USH2A: variants seen among roughly 807,000 people sequenced by gnomAD.
USH2A encodes the protein Usher syndrome 2A (autosomal recessive, mild).
In USH2A, 443 loss-of-function variants were observed where a neutral mutation model predicts 538.9. The observed-to-expected ratio is 0.82, with a 90% CI of 0.76 to 0.89. The LOEUF (loss-of-function observed/expected upper bound fraction) is 0.89. Among genes scored for constraint, USH2A ranks in the 40% least tolerant of loss-of-function variants. USH2A has a pLI of 0.00. For synonymous variants in USH2A, 2,413 were observed against 2,273.5 expected (o/e 1.06, Z -1.75); for missense variants, 6,633 against 6,324.8 (o/e 1.05, Z -1.65).
intron 64 of USH2A, among the ~76,000 whole-genome samples, chr1:215,668,552 T>C (rs1031426227): frequency 6.6e-6 from 1 of 152,174 alleles, no homozygotes; most frequent in Non-Finnish European, 1.5e-5. Flanking sequence ...TTGAGTGAGA[T>C]GAGTATGGAG....
At chr1:215,946,769 T>C (rs1460023397) in intron 37 of USH2A, among the ~76,000 whole-genome samples, 2 of 152,204 alleles carry the variant, frequency 1.3e-5, no homozygotes, top group Non-Finnish European at 2.9e-5. Context: ...GAATTTAAAT[T>C]AAAAATTGAT....
Position 216,422,070 on chromosome 1 carries a change from T to C in USH2A, c.267A>G (p.Pro89=). The C allele has an allele frequency of 8.1e-6, 13 of 1,613,820 alleles. No individual in the cohort carries two copies. The highest frequency in any genetic ancestry group is 1.3e-5 in the African/African-American group (1 of 75,044). The part of the protein sequence containing the change: ...CTQRFCIQDC[P]YRSSHPTYTA... Reference sequence around the variant, plus strand: ...TGTAGGTAGGGTGTGAAGATCTGTATGGGCAATCCTGAATACAAAACCGCT... The same window carrying C: ...TGTAGGTAGGGTGTGAAGATCTGTACGGGCAATCCTGAATACAAAACCGCT... The change falls in exon 2 of 72, where the codon CCA becomes CCG. Residue 89 remains proline, a synonymous_variant. Coordinates refer to ENST00000307340, the MANE Select transcript of USH2A (RefSeq NM_206933.4).
intron 37 of USH2A, among the ~76,000 whole-genome samples, chr1:215,960,489 T>C (rs1667172015): frequency 6.6e-6 from 1 of 152,150 alleles, no homozygotes; most frequent in Admixed American, 6.6e-5. Flanking sequence ...GGGAGTTGAC[T>C]ATTCACCTGT....
rs79931510 is a variant in USH2A at position 215,627,054 on chromosome 1, A to C, written c.15520-1184T>G. Among the ~76,000 whole-genome samples, 930 of 152,338 alleles carry C rather than the reference A, an allele frequency of 6.1e-3. 24 individuals carry two copies. In the South Asian group the frequency reaches 0.071, roughly 12 times the overall value. ...AACAGCCTGTGATTTTAAAATGCATATTATATATATGTATATATTATACAA... is the reference window on the plus strand; with the variant it reads ...AACAGCCTGTGATTTTAAAATGCATCTTATATATATGTATATATTATACAA... On this transcript the variant is annotated intron_variant, in intron 71 of 71. Transcript: ENST00000307340.
chr1:215,750,714 T>C (rs1660600351), intron 58 of USH2A, among the ~76,000 whole-genome samples: 2 of 152,090 alleles, frequency 1.3e-5, no homozygotes, highest in Admixed American at 1.3e-4. Context: ...TAGTTTTGAG[T>C]CAGACTTGGA....
intron 61 of USH2A, among the ~76,000 whole-genome samples, chr1:215,684,176 ACT>A (rs1658336248): frequency 6.6e-6 from 1 of 152,022 alleles, no homozygotes; most frequent in Non-Finnish European, 1.5e-5. Flanking sequence ...TAAAGACAAG[ACT>A]CTCTGGAACA....
chr1:216,195,196 C>T (rs143168368), intron 19 of USH2A, among the ~76,000 whole-genome samples: 94 of 152,158 alleles, frequency 6.2e-4, no homozygotes, highest in African/African-American at 2.1e-3. Context: ...AAGGGCCCAA[C>T]AGAAATTCAT....
At chr1:216,338,338 G>A (rs1268431898) in intron 4 of USH2A, among the ~76,000 whole-genome samples, 1 of 151,444 alleles carries the variant, frequency 6.6e-6, no homozygotes. Context: ...AGATACAGTA[G>A]AGGTGGCTTT....
chr1:215,694,202 A>G (rs1304719551), intron 61 of USH2A, among the ~76,000 whole-genome samples: 2 of 152,176 alleles, frequency 1.3e-5, no homozygotes, highest in East Asian at 3.9e-4. Context: ...CCAGAATCGC[A>G]AATGAATTAC....
intron 15 of USH2A, among the ~76,000 whole-genome samples, chr1:216,210,575 TTTTTG>T (rs1455620824): frequency 6.6e-6 from 1 of 152,148 alleles, no homozygotes; most frequent in East Asian, 1.9e-4. Flanking sequence ...AAAATAGTTA[TTTTTG>T]TTTTAAGTTT....
intron 62 of USH2A, among the ~76,000 whole-genome samples, chr1:215,676,488 A>T (rs2102668182): frequency 6.6e-6 from 1 of 152,150 alleles, no homozygotes; most frequent in Admixed American, 6.5e-5. Flanking sequence ...TATCATGGTG[A>T]CTCTCAAGAG....
intron 3 of USH2A, among the ~76,000 whole-genome samples, chr1:216,402,961 T>C (rs150859427): frequency 7.0e-4 from 106 of 152,222 alleles, no homozygotes; most frequent in African/African-American, 2.4e-3. Context: ...CTAATACTTA[T>C]ATGAGAAAAG....
chr1:215,650,673 G>A lies in USH2A; in HGVS notation c.14262C>T (p.Asn4754=), dbSNP rs1571930909. Residue 4754 remains asparagine (N), a synonymous_variant, in exon 65 of 72, where the codon AAC becomes AAT. Transcript: ENST00000307340. ...CGTTGGGCTTCCCAGGGGCACTGAT[G>A]TTGACCACTGCTTGGGTAGAAGAGA... ...HVISSTQAVV[N]ISAPGKPNGI... The A allele has an allele frequency of 1.2e-6, 2 of 1,614,120 alleles. No homozygotes were observed. Among genetic ancestry groups the A allele is most frequent in the Non-Finnish European group, 1.7e-6 (2 of 1,180,030 alleles).
chr1:215,908,617 A>G (rs12058884), intron 38 of USH2A, among the ~76,000 whole-genome samples: 6,166 of 152,006 alleles, frequency 0.041, 137 homozygotes, highest in Middle Eastern at 0.09. Context: ...ATATGTGCAC[A>G]TAATTAAGAA....
chr1:215,718,781 A>G (rs77769175), intron 61 of USH2A, among the ~76,000 whole-genome samples: 1 of 152,168 alleles, frequency 6.6e-6, no homozygotes, highest in Non-Finnish European at 1.5e-5. Flanking sequence ...GCTACTTTCC[A>G]TCTGTGACAA....
At chr1:216,117,044 C>A (rs1040354780) in intron 21 of USH2A, among the ~76,000 whole-genome samples, 2 of 152,074 alleles carry the variant, frequency 1.3e-5, no homozygotes, top group Non-Finnish European at 1.5e-5. Context: ...ACCTCTCTTA[C>A]CCCAGGCTAT....
At chr1:216,160,649 C>T (rs1366350872) in intron 21 of USH2A, among the ~76,000 whole-genome samples, 2 of 152,016 alleles carry the variant, frequency 1.3e-5, no homozygotes, top group African/African-American at 4.8e-5. Context: ...AGGATATTAA[C>T]TATTTGGAAA....
chr1:215,762,768 C>A (rs1661017158), intron 56 of USH2A, among the ~76,000 whole-genome samples: 1 of 151,934 alleles, frequency 6.6e-6, no homozygotes, highest in Non-Finnish European at 1.5e-5. Flanking sequence ...AATAAGGGAG[C>A]AAACTGAGGC....
intron 32 of USH2A, among the ~76,000 whole-genome samples, chr1:216,007,016 G>A (rs762246189): frequency 2.6e-5 from 4 of 152,062 alleles, no homozygotes; most frequent in Non-Finnish European, 4.4e-5. Flanking sequence ...AATCATGGGG[G>A]CAGTTTCCCC....
Sources: gnomAD v4.1 joint callset for allele counts (sites outside exome capture counted in the v4.1 genomes callset) on GRCh38, gnomAD v4.1.1 for gene constraint, MANE v1.5 for transcripts, NCBI Gene and HGNC (gene_info 2026-07-23, HGNC 2026-07-21) for gene names.